Variants in RYR3 observed in about 807,000 individuals in gnomAD.
RYR3 encodes the protein brain ryanodine receptor-calcium release channel.
RYR3 carries 207 observed loss-of-function variants against 584.3 expected under a neutral mutation model. The observed-to-expected ratio is 0.35, with a 90% CI of 0.32 to 0.40. RYR3 has a LOEUF of 0.40. Among genes scored for constraint, RYR3 ranks in the 10% least tolerant of loss-of-function variants. The pLI, the probability that RYR3 is intolerant of heterozygous loss-of-function variation, is 1.00. For missense variants in RYR3, 5,616 were observed against 6,089.2 expected (o/e 0.92, Z 2.59); for synonymous variants, 2,416 against 2,248.5 (o/e 1.07, Z -2.11).
At chr15:33,523,652 G>A (rs951067027) in intron 3 of RYR3, among the ~76,000 whole-genome samples, 1 of 152,064 alleles carries the variant, frequency 6.6e-6, no homozygotes, top group Non-Finnish European at 1.5e-5. Flanking sequence ...GTAGGGCAGG[G>A]TAGACCTAGA....
At position 33,731,456 on chromosome 15, in the gene RYR3, C is replaced by G. The variant is rs1489293838; in HGVS notation, c.7204-18C>G. The stretch of plus-strand genomic sequence containing the variant: ...TTCCTCAGGGCAATTAACCTGTGTC[C>G]CAATCTTCTTTCTCTAGGTTTCCCT... On this transcript the variant is annotated intron_variant, in intron 47 of 103. Transcript: ENST00000634891. 4.4e-6 allele frequency: 7 copies of G among 1,580,894 alleles called. No homozygotes were observed. The highest frequency in any genetic ancestry group is 5.2e-6 in the Non-Finnish European group (6 of 1,157,036).
intron 1 of RYR3, among the ~76,000 whole-genome samples, chr15:33,447,595 C>T (rs894887244): frequency 1.3e-5 from 2 of 152,256 alleles, no homozygotes; most frequent in Non-Finnish European, 2.9e-5. Context: ...CAGATAAGAT[C>T]ATCCTTGAAA....
intron 1 of RYR3, among the ~76,000 whole-genome samples, chr15:33,460,045 T>C (rs1425700424): frequency 6.6e-6 from 1 of 152,206 alleles, no homozygotes; most frequent in African/African-American, 2.4e-5. Flanking sequence ...GGCTAAGCAC[T>C]CTAAGAACTT....
chr15:33,822,643 A>C (rs2077171354), intron 80 of RYR3, among the ~76,000 whole-genome samples: 1 of 152,242 alleles, frequency 6.6e-6, no homozygotes, highest in Non-Finnish European at 1.5e-5. Flanking sequence ...AGAAATACTG[A>C]GCTTTCAGCT....
At chr15:33,741,491 G>GAAC (rs72521296) in intron 51 of RYR3, among the ~76,000 whole-genome samples, 1 of 151,752 alleles carries the variant, frequency 6.6e-6, no homozygotes, top group African/African-American at 2.4e-5. Context: ...TGCAATATAA[G>GAAC]ACTGTGCAAT....
intron 42 of RYR3, among the ~76,000 whole-genome samples, chr15:33,701,910 G>C (rs1039492050): frequency 1.3e-5 from 2 of 152,214 alleles, no homozygotes; most frequent in African/African-American, 4.8e-5. Context: ...CTGAAGCACA[G>C]AGTACCTGGG....
chr15:33,518,619 C>T (rs138663879), intron 3 of RYR3, among the ~76,000 whole-genome samples: 9 of 152,244 alleles, frequency 5.9e-5, no homozygotes, highest in Non-Finnish European at 1.3e-4. Flanking sequence ...AAATTTGCTC[C>T]CCGCACAATG....
At chr15:33,708,439 C>T (rs528476233) in intron 43 of RYR3, among the ~76,000 whole-genome samples, 5 of 152,130 alleles carry the variant, frequency 3.3e-5, no homozygotes, top group Non-Finnish European at 5.9e-5. Flanking sequence ...TTCTTCTACC[C>T]GGATTGCTAA....
chr15:33,838,250 G>C lies in RYR3; in HGVS notation c.12270G>C (p.Glu4090Asp). 2 of 1,613,986 alleles carry C rather than the reference G, an allele frequency of 1.2e-6. No individual in the cohort carries two copies. Among genetic ancestry groups the C allele is most frequent in the Non-Finnish European group, 1.7e-6 (2 of 1,179,894 alleles). ...EKMELFVNFC[E>D]DTIFEMQLAS... ...TGGAGCTGTTTGTGAACTTCTGTGAGGACACCATCTTTGAAATGCAGTTAG... is the reference window on the plus strand; with the variant it reads ...TGGAGCTGTTTGTGAACTTCTGTGACGACACCATCTTTGAAATGCAGTTAG... Residue 4090 changes from glutamate (E) to aspartate (D), a missense_variant, in exon 89 of 104, where the codon GAG becomes GAC. Transcript: ENST00000634891.
Position 33,861,136 on chromosome 15 carries a change from T to C in RYR3, c.14423T>C (p.Phe4808Ser). The change falls in exon 102 of 104, where the codon TTT becomes TCT. Residue 4808 changes from phenylalanine (F) to serine (S), a missense_variant. Physicochemically the swap from Phe to Ser is radical, Grantham distance 155. This residue lies in a region of RYR3 where 918 missense variants were observed against 887.4 expected (regional missense o/e 1.03). Coordinates refer to ENST00000634891, the MANE Select transcript of RYR3 (RefSeq NM_001036.6). Reference sequence around the variant, plus strand: ...TACTTTGACACAACCCCTCATGGTTTTGAAACACATACATTACAAGAGCAC... The same window carrying C: ...TACTTTGACACAACCCCTCATGGTTCTGAAACACATACATTACAAGAGCAC... The part of the protein sequence containing the change: ...NDYFDTTPHG[F>S]ETHTLQEHNL... 6.3e-7 allele frequency: 1 copy of C among 1,597,566 alleles called. No individual in the cohort carries two copies. Among genetic ancestry groups the C allele is most frequent in the South Asian group, 1.1e-5 (1 of 87,900 alleles).
At chr15:33,521,396 A>C (rs1031332621) in intron 3 of RYR3, among the ~76,000 whole-genome samples, 3 of 152,148 alleles carry the variant, frequency 2.0e-5, no homozygotes, top group Admixed American at 1.3e-4. Flanking sequence ...TGACATGAAC[A>C]AAAAGGAGAT....
At chr15:33,568,372 C>T (rs1187103062) in intron 12 of RYR3, among the ~76,000 whole-genome samples, 1 of 152,084 alleles carries the variant, frequency 6.6e-6, no homozygotes, top group Non-Finnish European at 1.5e-5. Flanking sequence ...AGTTATGTGC[C>T]TGACAATGGG....
chr15:33,802,187 C>T (rs947683005), intron 69 of RYR3: 6 of 665,544 alleles, frequency 9.0e-6, no homozygotes, highest in Middle Eastern at 2.5e-4. Flanking sequence ...TGTCAAAAAG[C>T]TTAAGTTTCA....
rs572303844 is a variant in RYR3 at position 33,349,984 on chromosome 15, C to T, written c.51+38888C>T. ...GTATATGTGCCACATTTTCTTAATCCAGTCTATCATTGTTGGACATTTGGG... is the reference window on the plus strand; with the variant it reads ...GTATATGTGCCACATTTTCTTAATCTAGTCTATCATTGTTGGACATTTGGG... On this transcript the variant is annotated intron_variant, in intron 1 of 103. Transcript: ENST00000634891. 5.5e-3 allele frequency among the ~76,000 whole-genome samples: 842 copies of T among 151,810 alleles called. 8 individuals are homozygous for T. The highest frequency in any genetic ancestry group is 0.019 in the African/African-American group (799 of 41,374).
In RYR3 at chr15:33,503,718, G is replaced by A. The variant is rs1220971752; in HGVS notation, c.259G>A (p.Gly87Ser). ...RALQEMLANTGENGGEGAAQG... is the reference protein window; with the variant it reads ...RALQEMLANTSENGGEGAAQG... Reference sequence around the variant, plus strand: ...CCTGCAGGAAATGCTTGCCAACACAGGTGAAAATGGCGGCGAAGGGGTGAG... The same window carrying A: ...CCTGCAGGAAATGCTTGCCAACACAAGTGAAAATGGCGGCGAAGGGGTGAG... The change falls in exon 3 of 104, where the codon GGT becomes AGT. Residue 87 changes from glycine to serine, a missense_variant. Physicochemically the swap from Gly to Ser is moderately conservative, Grantham distance 56. Coordinates refer to ENST00000634891, the MANE Select transcript of RYR3 (RefSeq NM_001036.6). The A allele has an allele frequency of 3.7e-6, 6 of 1,611,674 alleles. No individual in the cohort carries two copies. Among genetic ancestry groups the A allele is most frequent in the Non-Finnish European group, 5.1e-6 (6 of 1,178,904 alleles).
intron 12 of RYR3, among the ~76,000 whole-genome samples, chr15:33,579,430 A>G (rs2058480951): frequency 1.3e-5 from 2 of 148,838 alleles, no homozygotes; most frequent in African/African-American, 4.9e-5. Flanking sequence ...AGTGATAGAA[A>G]TCCTTCCACC....
chr15:33,678,837 G>A (rs567186972), intron 38 of RYR3, among the ~76,000 whole-genome samples: 29 of 152,208 alleles, frequency 1.9e-4, no homozygotes, highest in Non-Finnish European at 3.1e-4. Context: ...ACAATGCTCC[G>A]GGTTATCTTC....
intron 1 of RYR3, among the ~76,000 whole-genome samples, chr15:33,380,641 A>C (rs1221113177): frequency 6.6e-6 from 1 of 152,222 alleles, no homozygotes; most frequent in Admixed American, 6.5e-5. Context: ...CATCTTCCAA[A>C]GTACAGCCAG....
chr15:33,818,751 T>C, intron 76 of RYR3, 67 bp downstream of exon 76: 1 of 1,156,786 alleles, frequency 8.6e-7, no homozygotes, highest in Non-Finnish European at 1.3e-6. Context: ...CCTGACCTTC[T>C]TCTCTCAGAC....
Sources: allele counts gnomAD v4.1 joint callset (sites outside exome capture counted in the v4.1 genomes callset), GRCh38; gene constraint gnomAD v4.1.1; regional missense constraint gnomAD v4.1.1; transcripts MANE v1.5; gene names NCBI Gene and HGNC (gene_info 2026-07-23, HGNC 2026-07-21).